Variants in SEC61G observed in about 807,000 individuals in gnomAD.
SEC61G encodes protein transport protein Sec61 subunit gamma.
SEC61G carries 4 observed loss-of-function variants against 7.5 expected under a neutral mutation model. That is an observed-to-expected ratio of 0.54 (90% CI 0.26 to 1.22). The LOEUF (loss-of-function observed/expected upper bound fraction) is 1.22, where lower values mean the gene tolerates loss of function less well. SEC61G is among the 50% of genes most tolerant of loss of function. The pLI is 0.12. For missense variants in SEC61G, 53 were observed against 84.6 expected (o/e 0.63, Z 1.46); for synonymous variants, 24 against 24.4 (o/e 0.98, Z 0.05).
chr7:54,752,713 T>G (rs1026907980), intron 3 of SEC61G, among the ~76,000 whole-genome samples: 3 of 152,140 alleles, frequency 2.0e-5, no homozygotes, highest in African/African-American at 7.2e-5. Flanking sequence ...ACAAAAAATA[T>G]CAACTACATG....
At chr7:54,758,001 A>G (rs983017037) in intron 1 of SEC61G, among the ~76,000 whole-genome samples, 1 of 152,224 alleles carries the variant, frequency 6.6e-6, no homozygotes, top group Non-Finnish European at 1.5e-5. Context: ...TTGAGATCCA[A>G]CAATTACTTT....
intron 3 of SEC61G, 74 bp downstream of exon 3, chr7:54,755,705 C>T (rs1054928990): frequency 2.5e-6 from 2 of 797,604 alleles, no homozygotes; most frequent in South Asian, 2.0e-5. Flanking sequence ...TCTATATTAA[C>T]GAAATAACAG....
intron 2 of SEC61G, among the ~76,000 whole-genome samples, 193 bp from the exon 3 acceptor site, chr7:54,756,074 T>A (rs1210933889): frequency 1.6e-4 from 25 of 152,234 alleles, no homozygotes; most frequent in Admixed American, 1.5e-3. Context: ...TTCCATGTTT[T>A]GTTGATATTT....
At chr7:54,757,636 T>G in intron 1 of SEC61G, 42 bp from the exon 2 acceptor site, 1 of 1,501,744 alleles carries the variant, frequency 6.7e-7, no homozygotes, top group Non-Finnish European at 9.3e-7. Flanking sequence ...TTGGTTCTCA[T>G]ACAATAAGCA....
intron 2 of SEC61G, 97 bp downstream of exon 2, chr7:54,757,398 T>G (rs754543335): frequency 1.8e-5 from 17 of 950,736 alleles, no homozygotes; most frequent in Non-Finnish European, 2.6e-5. Flanking sequence ...AAAATGTTGA[T>G]CAAAGTAATG....
chr7:54,759,090 C>A, intron 1 of SEC61G, 68 bp downstream of exon 1: 3 of 464,746 alleles, frequency 6.5e-6, no homozygotes, highest in South Asian at 4.5e-5. Flanking sequence ...CCCACGCCCG[C>A]TGCCCCCAAG....
intron 2 of SEC61G, among the ~76,000 whole-genome samples, chr7:54,756,620 T>C (rs1791520670): frequency 6.6e-6 from 1 of 152,196 alleles, no homozygotes. Flanking sequence ...GTCACTGCAC[T>C]TCAGCCTGGG....
intron 1 of SEC61G, among the ~76,000 whole-genome samples, chr7:54,758,467 G>T (rs1409169480): frequency 6.6e-6 from 1 of 152,164 alleles, no homozygotes; most frequent in Non-Finnish European, 1.5e-5. Context: ...GCCTTCCTTA[G>T]TGTAGGGTGT....
chr7:54,754,549 G>C (rs1167414023), intron 3 of SEC61G, among the ~76,000 whole-genome samples: 1 of 152,148 alleles, frequency 6.6e-6, no homozygotes, highest in Non-Finnish European at 1.5e-5. Context: ...AACTATTTAT[G>C]ATCCTGAATA....
Position 54,757,123 on chromosome 7 carries a change from G to A in SEC61G, c.94+372C>T, listed in dbSNP as rs534575493. On this transcript the variant is annotated intron_variant, in intron 2 of 3. Coordinates refer to ENST00000352861, the MANE Select transcript of SEC61G (RefSeq NM_014302.4). Reference sequence around the variant, plus strand: ...GATAAATAACAAAATTAACTTTCTAGTTTGGCAAAAACTATATTGTTGGTT... The same window carrying A: ...GATAAATAACAAAATTAACTTTCTAATTTGGCAAAAACTATATTGTTGGTT... Among the ~76,000 whole-genome samples the A allele has an allele frequency of 3.2e-4, 48 of 151,794 alleles. No homozygotes were observed. The South Asian group carries it at 9.5e-3, about 30-fold the overall frequency.
chr7:54,756,484 T>C (rs1020959076), intron 2 of SEC61G, among the ~76,000 whole-genome samples: 1 of 152,118 alleles, frequency 6.6e-6, no homozygotes, highest in Non-Finnish European at 1.5e-5. Flanking sequence ...GGTGAAACCC[T>C]GGCTCCACTA....
intron 3 of SEC61G, among the ~76,000 whole-genome samples, chr7:54,753,510 G>A (rs1297696327): frequency 6.6e-6 from 1 of 152,066 alleles, no homozygotes. Flanking sequence ...AACCCAATGA[G>A]TTATTTCCCT....
chr7:54,755,496 T>C, intron 3 of SEC61G: 1 of 222,080 alleles, frequency 4.5e-6, no homozygotes, highest in Non-Finnish European at 8.7e-6. Context: ...CAAAGAGGAC[T>C]TAGGTTTCAA....
At chr7:54,757,467 A>G (rs1562769857) in intron 2 of SEC61G, 28 bp downstream of exon 2, 1 of 1,571,244 alleles carries the variant, frequency 6.4e-7, no homozygotes, top group Non-Finnish European at 8.8e-7. Flanking sequence ...CAAAGATTTA[A>G]TTTTTTCTCT....
At chr7:54,755,927 G>A in intron 2 of SEC61G, 46 bp from the exon 3 acceptor site, 1 of 1,097,190 alleles carries the variant, frequency 9.1e-7, no homozygotes, top group South Asian at 1.5e-5. Context: ...CACTGTCACT[G>A]AAAGTATGGG....
chr7:54,757,323 AG>A (rs1373278801), intron 2 of SEC61G, among the ~76,000 whole-genome samples, 171 bp downstream of exon 2: 1 of 152,236 alleles, frequency 6.6e-6, no homozygotes, highest in Non-Finnish European at 1.5e-5. Flanking sequence ...ATAAAAATTT[AG>A]ACGAGTAAAA....
intron 3 of SEC61G, among the ~76,000 whole-genome samples, chr7:54,753,652 A>C (rs557377517): frequency 2.0e-5 from 3 of 152,200 alleles, no homozygotes; most frequent in Non-Finnish European, 4.4e-5. Flanking sequence ...TCTCTCACAA[A>C]ATGTTTTAAT....
At chr7:54,758,123 C>A (rs1329500497) in intron 1 of SEC61G, among the ~76,000 whole-genome samples, 1 of 152,174 alleles carries the variant, frequency 6.6e-6, no homozygotes, top group Non-Finnish European at 1.5e-5. Flanking sequence ...CTTGATTTTT[C>A]TAAAACGTGC....
intron 3 of SEC61G, among the ~76,000 whole-genome samples, chr7:54,753,321 T>C (rs1791449052): frequency 6.6e-6 from 1 of 152,004 alleles, no homozygotes; most frequent in African/African-American, 2.4e-5. Flanking sequence ...TTATATAAAA[T>C]ACCCCTGAGC....
Sources: gnomAD v4.1 joint callset for allele counts (sites outside exome capture counted in the v4.1 genomes callset) on GRCh38, gnomAD v4.1.1 for gene constraint, MANE v1.5 for transcripts, NCBI Gene and HGNC (gene_info 2026-07-23, HGNC 2026-07-21) for gene names.